ZFHX3: variants seen among roughly 807,000 people sequenced by gnomAD.
ZFHX3 encodes zinc finger homeobox protein 3.
ZFHX3 carries 42 observed loss-of-function variants against 279.1 expected under a neutral mutation model. That is an observed-to-expected ratio of 0.15 (90% confidence interval 0.12 to 0.19). ZFHX3 has a LOEUF of 0.19. Ranked by LOEUF, ZFHX3 falls within the 10% of genes least tolerant of loss-of-function variation. The pLI is 1.00. For synonymous variants in ZFHX3, 2,293 were observed against 1,957.8 expected (o/e 1.17, Z -4.52); for missense variants, 4,981 against 4,754.0 (o/e 1.05, Z -1.40).
intron 7 of ZFHX3, among the ~76,000 whole-genome samples, chr16:73,103,272 G>A (rs955133329): frequency 4.6e-5 from 7 of 152,100 alleles, no homozygotes; most frequent in African/African-American, 1.2e-4. Flanking sequence ...TACTGGATAA[G>A]GCTTAAAATC....
chr16:73,517,032 C>G (rs1024792918), intron 2 of ZFHX3, among the ~76,000 whole-genome samples: 1 of 151,996 alleles, frequency 6.6e-6, no homozygotes, highest in Admixed American at 6.6e-5. Context: ...CTTTCAACTT[C>G]TGCCTGCTAG....
intron 4 of ZFHX3, among the ~76,000 whole-genome samples, chr16:73,308,444 C>T (rs186608888): frequency 2.7e-4 from 41 of 151,768 alleles, no homozygotes; most frequent in African/African-American, 9.9e-4. Flanking sequence ...GCACTCACCA[C>T]CATGCCTGGC....
chr16:72,926,528 C>T (rs571927095), intron 3 of ZFHX3, among the ~76,000 whole-genome samples: 1 of 152,292 alleles, frequency 6.6e-6, no homozygotes, highest in African/African-American at 2.4e-5. Context: ...GGAAGTGTCT[C>T]TGATCAACAT....
At chr16:73,000,164 C>T (rs1963441607) in intron 1 of ZFHX3, among the ~76,000 whole-genome samples, 1 of 152,178 alleles carries the variant, frequency 6.6e-6, no homozygotes, top group Non-Finnish European at 1.5e-5. Flanking sequence ...AGAGCAGGCA[C>T]CACTGTCTGT....
intron 3 of ZFHX3, among the ~76,000 whole-genome samples, chr16:73,363,432 G>T (rs1156778896): frequency 6.6e-6 from 1 of 152,114 alleles, no homozygotes; most frequent in Admixed American, 6.5e-5. Context: ...ACTCGGCATT[G>T]TTTTTCTCCC....
In ZFHX3 at chr16:72,788,486, C is replaced by G; in HGVS notation, c.9790G>C (p.Ala3264Pro). 6.2e-7 allele frequency: 1 copy of G among 1,614,152 alleles called. No homozygotes were observed. Among genetic ancestry groups the G allele is most frequent in the Non-Finnish European group, 8.5e-7 (1 of 1,180,024 alleles). Residue 3264 changes from alanine (A) to proline (P), a missense_variant, in exon 10 of 10, where the codon GCC becomes CCC. By Grantham distance (27) the Ala-to-Pro change is conservative (BLOSUM62 -1). Coordinates refer to ENST00000268489, the MANE Select transcript of ZFHX3 (RefSeq NM_006885.4). Reference sequence around the variant, plus strand: ...ATCGTGGCTGCAGTTGCCGTGGGGGCCTCTCCTTTCTCCTTCTTGGGGACA... The same window carrying G: ...ATCGTGGCTGCAGTTGCCGTGGGGGGCTCTCCTTTCTCCTTCTTGGGGACA... ...LPVPKKEKGE[A>P]PTATAATISA...
chr16:73,832,874 G>C (rs1261761215), intron 1 of ZFHX3, among the ~76,000 whole-genome samples: 1 of 152,066 alleles, frequency 6.6e-6, no homozygotes, highest in African/African-American at 2.4e-5. Context: ...CTTCATCACA[G>C]TGGCTGATAA....
chr16:73,569,712 T>C (rs1168643110), intron 2 of ZFHX3, among the ~76,000 whole-genome samples: 1 of 152,348 alleles, frequency 6.6e-6, no homozygotes, highest in Admixed American at 6.5e-5. Context: ...TCATGCATTA[T>C]GTATTCTGAA....
At chr16:73,863,776 T>C (rs777228466) in intron 1 of ZFHX3, among the ~76,000 whole-genome samples, 15 of 152,358 alleles carry the variant, frequency 9.8e-5, no homozygotes, top group Non-Finnish European at 1.6e-4. Flanking sequence ...TTGTATATCA[T>C]ATTCAGGAAG....
At chr16:73,677,179 A>G (rs1377645870) in intron 2 of ZFHX3, among the ~76,000 whole-genome samples, 1 of 151,974 alleles carries the variant, frequency 6.6e-6, no homozygotes, top group Non-Finnish European at 1.5e-5. Flanking sequence ...TTAAGTAAAA[A>G]TCATCACAGG....
chr16:73,303,075 C>T (rs189329955), intron 4 of ZFHX3, among the ~76,000 whole-genome samples: 17 of 151,970 alleles, frequency 1.1e-4, no homozygotes, highest in Middle Eastern at 3.4e-3. Flanking sequence ...GTTGCCCAGC[C>T]TGGAGTACAG....
intron 4 of ZFHX3, among the ~76,000 whole-genome samples, chr16:73,276,471 C>T (rs560860035): frequency 6.6e-6 from 1 of 152,108 alleles, no homozygotes; most frequent in South Asian, 2.1e-4. Context: ...AGGTGTGAGC[C>T]ACTGTGCCCA....
At chr16:72,843,200 C>T (rs1301215122) in intron 4 of ZFHX3, among the ~76,000 whole-genome samples, 1 of 152,006 alleles carries the variant, frequency 6.6e-6, no homozygotes, top group Non-Finnish European at 1.5e-5. Context: ...GGGATTGGAG[C>T]AGGATAGGGC....
At chr16:73,670,308 G>T (rs562747684) in intron 2 of ZFHX3, among the ~76,000 whole-genome samples, 2 of 152,288 alleles carry the variant, frequency 1.3e-5, no homozygotes, top group Non-Finnish European at 2.9e-5. Context: ...TGATGCAAGA[G>T]AGAGGCCAAC....
At chr16:73,039,469 G>T (rs955187707) in intron 1 of ZFHX3, among the ~76,000 whole-genome samples, 1 of 152,170 alleles carries the variant, frequency 6.6e-6, no homozygotes, top group South Asian at 2.1e-4. Context: ...AACTGGAGGC[G>T]ATTTTGCCTC....
chr16:73,049,968 G>T (rs1965419509), upstream of ZFHX3, among the ~76,000 whole-genome samples: 1 of 152,198 alleles, frequency 6.6e-6, no homozygotes. Context: ...AAGCAACGTG[G>T]CCCACAACGC....
At chr16:73,197,925 T>A (rs12933602) in intron 5 of ZFHX3, among the ~76,000 whole-genome samples, 1 of 20,310 alleles carries the variant, frequency 4.9e-5, no homozygotes, top group South Asian at 1.7e-3. Flanking sequence ...GATTTGGTGG[T>A]TTTTTTTTTT....
intron 9 of ZFHX3, 141 bp from the exon 10 acceptor site, chr16:72,788,989 G>T: frequency 7.8e-7 from 1 of 1,284,504 alleles, no homozygotes; most frequent in Non-Finnish European, 1.0e-6. Flanking sequence ...ATTTCCAACA[G>T]AAGTATCCCA....
intron 2 of ZFHX3, among the ~76,000 whole-genome samples, chr16:73,672,866 C>T (rs1037982564): frequency 2.0e-5 from 3 of 151,892 alleles, no homozygotes; most frequent in Non-Finnish European, 4.4e-5. Context: ...ATATTCAAAG[C>T]GACATTATTT....
Sources: allele counts gnomAD v4.1 joint callset (sites outside exome capture counted in the v4.1 genomes callset), GRCh38; gene constraint gnomAD v4.1.1; transcripts MANE v1.5; gene names NCBI Gene and HGNC (gene_info 2026-07-23, HGNC 2026-07-21).